The following SLC44A5 variants were observed in gnomAD, a reference collection of about 807,000 sequenced individuals.
The protein encoded by SLC44A5 is solute carrier family 44 member 5.
SLC44A5 carries 57 observed loss-of-function variants against 101.8 expected under a neutral mutation model. The ratio of observed to expected loss-of-function variants is 0.56; its 90% CI spans 0.45 to 0.70. The LOEUF (loss-of-function observed/expected upper bound fraction) is 0.70. Among genes scored for constraint, SLC44A5 ranks in the 30% least tolerant of loss-of-function variants. The probability of loss-of-function intolerance (pLI) is 0.00; values close to 1 mark genes in which losing one functional copy is unlikely to be tolerated. For synonymous variants in SLC44A5, 281 were observed against 290.9 expected (o/e 0.97, Z 0.35); for missense variants, 737 against 853.1 (o/e 0.86, Z 1.70).
chr1:75,452,228 A>G (rs1354479406), intron 2 of SLC44A5, among the ~76,000 whole-genome samples: 1 of 152,186 alleles, frequency 6.6e-6, no homozygotes, highest in Non-Finnish European at 1.5e-5. Flanking sequence ...AAGCCAGGAG[A>G]GATTGAGGGC....
At chr1:75,345,659 AG>A (rs1384127722) in intron 3 of SLC44A5, among the ~76,000 whole-genome samples, 1 of 152,148 alleles carries the variant, frequency 6.6e-6, no homozygotes, top group Admixed American at 6.6e-5. Context: ...CCATACTTAG[AG>A]GAAAGAATGT....
At chr1:75,574,624 A>G (rs761778062) in intron 1 of SLC44A5, among the ~76,000 whole-genome samples, 1 of 152,208 alleles carries the variant, frequency 6.6e-6, no homozygotes, top group Non-Finnish European at 1.5e-5. Flanking sequence ...CACTCCTACC[A>G]GCACCCTATA....
At chr1:75,607,339 T>A (rs573592532) in intron 1 of SLC44A5, among the ~76,000 whole-genome samples, 2 of 152,162 alleles carry the variant, frequency 1.3e-5, no homozygotes, top group East Asian at 3.9e-4. Context: ...ATATATTCAG[T>A]ATCCTTCCAT....
chr1:75,462,404 C>T (rs1276776950), intron 2 of SLC44A5, among the ~76,000 whole-genome samples: 1 of 152,108 alleles, frequency 6.6e-6, no homozygotes, highest in Non-Finnish European at 1.5e-5. Flanking sequence ...AAAGCCCTCC[C>T]AAGAAAGACT....
rs531820357 is a variant in SLC44A5, at chr1:75,218,522, A to G, written c.1497T>C (p.Tyr499=). ...AMKKPDDIPR[Y]PLFTAFGRAI... is the part of the protein sequence containing the mutation. Reference sequence around the variant, plus strand: ...CTCGTCCAAATGCAGTAAAAAGTGGATATCGTGGGATGTCATCAGGTTTTT... The same window carrying G: ...CTCGTCCAAATGCAGTAAAAAGTGGGTATCGTGGGATGTCATCAGGTTTTT... Residue 499 remains tyrosine, a synonymous_variant, in exon 17 of 24, where the codon TAT becomes TAC. Transcript: ENST00000370859. 1 of 1,613,798 alleles carries G rather than the reference A, an allele frequency of 6.2e-7. No homozygotes were observed. Among genetic ancestry groups the G allele is most frequent in the East Asian group, 2.2e-5 (1 of 44,864 alleles).
the SLC44A5 span, among the ~76,000 whole-genome samples, chr1:75,630,831 A>G: frequency 1.3e-5 from 2 of 152,150 alleles, no homozygotes; most frequent in South Asian, 4.1e-4. Flanking sequence ...CAACTGCCCA[A>G]TTTTCCAGGT....
At chr1:75,641,902 T>A in the SLC44A5 span, 14 of 1,600,212 alleles carry the variant, frequency 8.7e-6, no homozygotes, top group Non-Finnish European at 1.2e-5. Context: ...ATTCAAGAAT[T>A]TCCTTCATTG....
chr1:75,555,165 A>G (rs1672150196), intron 1 of SLC44A5, among the ~76,000 whole-genome samples: 2 of 152,180 alleles, frequency 1.3e-5, no homozygotes, highest in African/African-American at 4.8e-5. Flanking sequence ...AAGAAATTGG[A>G]CACAAACAAG....
the SLC44A5 span, among the ~76,000 whole-genome samples, chr1:75,690,694 A>G: frequency 2.6e-5 from 4 of 152,210 alleles, no homozygotes; most frequent in African/African-American, 9.7e-5. Context: ...TACACTCATT[A>G]ACATACTAAA....
chr1:75,413,964 T>C (rs1663453769), intron 2 of SLC44A5, among the ~76,000 whole-genome samples: 1 of 152,168 alleles, frequency 6.6e-6, no homozygotes, highest in Non-Finnish European at 1.5e-5. Context: ...ATTCCTTATG[T>C]TCAATCCCTA....
At chr1:75,297,530 C>T (rs1403119579) in intron 5 of SLC44A5, among the ~76,000 whole-genome samples, 2 of 152,194 alleles carry the variant, frequency 1.3e-5, no homozygotes, top group Non-Finnish European at 2.9e-5. Flanking sequence ...AGCTATCAGC[C>T]AGCCTTGGCC....
In SLC44A5 at chr1:75,328,786, C is replaced by T. The variant is rs149358412; in HGVS notation, c.101+10796G>A. On this transcript the variant is annotated intron_variant, in intron 4 of 23. Transcript: ENST00000370859. ...TTCAGCTTCGTTGCCAAAGTGTCTTCCATCCTAGTCTCTGTTCAGCCCCTC... is the reference window on the plus strand; with the variant it reads ...TTCAGCTTCGTTGCCAAAGTGTCTTTCATCCTAGTCTCTGTTCAGCCCCTC... Among the ~76,000 whole-genome samples the T allele has an allele frequency of 1.2e-3, 190 of 152,338 alleles. 1 individual carries two copies. Among genetic ancestry groups the T allele is most frequent in the African/African-American group, 4.4e-3 (181 of 41,590 alleles).
intron 2 of SLC44A5, among the ~76,000 whole-genome samples, chr1:75,533,010 C>T (rs184159): frequency 0.22 from 34,186 of 152,126 alleles, 4,143 homozygotes; most frequent in Admixed American, 0.3. Flanking sequence ...TCTTGTTCAT[C>T]GCCACAAATT....
the SLC44A5 span, among the ~76,000 whole-genome samples, chr1:75,687,237 T>C: frequency 6.6e-6 from 1 of 152,136 alleles, no homozygotes; most frequent in Admixed American, 6.5e-5. Context: ...ACCATGACAG[T>C]TACAGGAATA....
the SLC44A5 span, among the ~76,000 whole-genome samples, chr1:75,624,917 C>A: frequency 2.0e-5 from 3 of 152,136 alleles, no homozygotes; most frequent in East Asian, 1.9e-4. Context: ...ACTAAAGAAC[C>A]CTAGATCTCT....
intron 9 of SLC44A5, among the ~76,000 whole-genome samples, chr1:75,240,711 A>G (rs1232674720): frequency 6.6e-6 from 1 of 152,024 alleles, no homozygotes; most frequent in South Asian, 2.1e-4. Flanking sequence ...GGTGGTAGCT[A>G]CTTCAGTGGG....
the SLC44A5 span, among the ~76,000 whole-genome samples, chr1:75,683,824 C>T: frequency 2.6e-5 from 4 of 151,730 alleles, no homozygotes; most frequent in African/African-American, 4.8e-5. Flanking sequence ...AAAGAAGAAA[C>T]ACATTTCCTC....
chr1:75,216,730 C>T (rs566906070), intron 18 of SLC44A5, among the ~76,000 whole-genome samples: 1 of 151,960 alleles, frequency 6.6e-6, no homozygotes, highest in South Asian at 2.1e-4. Context: ...TTTTCATGTC[C>T]TCATTGGCCA....
chr1:75,701,963 C>T, the SLC44A5 span, among the ~76,000 whole-genome samples: 2 of 152,126 alleles, frequency 1.3e-5, no homozygotes, highest in East Asian at 3.9e-4. Flanking sequence ...ACATGAAGGA[C>T]CTCTTCAAGG....
Sources: allele counts gnomAD v4.1 joint callset (sites outside exome capture counted in the v4.1 genomes callset), GRCh38; gene constraint gnomAD v4.1.1; transcripts MANE v1.5; gene names NCBI Gene and HGNC (gene_info 2026-07-23, HGNC 2026-07-21).